RNF24: variants seen among roughly 807,000 people sequenced by gnomAD.
RNF24 encodes ring finger protein 24.
A neutral mutation model predicts 20.0 loss-of-function variants in RNF24; 14 were observed. That is an observed-to-expected ratio of 0.70 (90% CI 0.46 to 1.10). RNF24 has a LOEUF of 1.10. Ranked by LOEUF, RNF24 falls within the 50% of genes least tolerant of loss-of-function variation. RNF24 has a pLI of 0.00. For synonymous variants in RNF24, 45 were observed against 61.1 expected (o/e 0.74, Z 1.23); for missense variants, 124 against 177.6 (o/e 0.70, Z 1.71).
In RNF24 at chr20:3,930,043, T is replaced by A. The variant is rs2090799152; in HGVS notation, c.*4020A>T. On this transcript the variant is annotated 3_prime_UTR_variant, in exon 6 of 6. Coordinates refer to ENST00000358395, the MANE Select transcript of RNF24 (RefSeq NM_001134337.3). The stretch of plus-strand genomic sequence containing the variant: ...AGGAGAAAAATTATATAGACACACA[T>A]ACACATGTGTGTACATGCATAAATG... The A allele has an allele frequency of 6.6e-6, 1 of 152,136 alleles. No individual in the cohort carries two copies. The highest frequency in any genetic ancestry group is 2.4e-5 in the African/African-American group (1 of 41,424). 9.4% of individuals were successfully genotyped at this position (152,136 alleles called of 1,614,324 possible).
rs1402930015 is a variant in RNF24 at position 3,929,680 on chromosome 20, C to A, written c.*4383G>T. 1.3e-5 allele frequency: 2 copies of A among 152,318 alleles called. No homozygotes were observed. The highest frequency in any genetic ancestry group is 3.8e-4 in the East Asian group (2 of 5,196). 9.4% of individuals were successfully genotyped at this position (152,318 alleles called of 1,614,324 possible). On this transcript the variant is annotated 3_prime_UTR_variant, in exon 6 of 6. Transcript: ENST00000358395. ...TGTCCAGGCACCTGCAGAGGCTGCT[C>A]AGAGCTGGGAGAGGCCTGTGCCACT...
intron 1 of RNF24, among the ~76,000 whole-genome samples, chr20:3,977,921 C>T (rs1183018812): frequency 6.6e-6 from 1 of 151,374 alleles, no homozygotes; most frequent in African/African-American, 2.4e-5. Context: ...CACAAAAAAC[C>T]CCAGAAAGAC....
intron 1 of RNF24, among the ~76,000 whole-genome samples, chr20:4,014,542 G>T (rs1286977809): frequency 6.6e-6 from 1 of 152,114 alleles, no homozygotes; most frequent in African/African-American, 2.4e-5. Context: ...TAGAAACACA[G>T]ATATATGAGA....
chr20:3,986,960 T>C (rs1357386397), intron 1 of RNF24, among the ~76,000 whole-genome samples: 4 of 152,166 alleles, frequency 2.6e-5, no homozygotes, highest in Non-Finnish European at 4.4e-5. Flanking sequence ...CAAGCTGGAT[T>C]GCAGTAGCAT....
chr20:3,960,970 T>A (rs1444716613), intron 2 of RNF24, among the ~76,000 whole-genome samples: 1 of 152,050 alleles, frequency 6.6e-6, no homozygotes, highest in Non-Finnish European at 1.5e-5. Context: ...ATTTTTGTAT[T>A]TTTAGTAGAG....
intron 1 of RNF24, among the ~76,000 whole-genome samples, chr20:3,984,295 C>T (rs1384415607): frequency 1.3e-5 from 2 of 152,054 alleles, no homozygotes; most frequent in Non-Finnish European, 2.9e-5. Flanking sequence ...TTCACTTCTT[C>T]ATTGAGTACC....
intron 1 of RNF24, chr20:3,974,466 C>T: frequency 1.4e-6 from 2 of 1,387,870 alleles, no homozygotes; most frequent in South Asian, 3.3e-5. Flanking sequence ...AGAAATTAAA[C>T]TGAGCCTATT....
intron 1 of RNF24, among the ~76,000 whole-genome samples, chr20:4,009,353 G>A (rs557057918): frequency 6.6e-6 from 1 of 152,304 alleles, no homozygotes; most frequent in East Asian, 1.9e-4. Context: ...ATATGTGTAT[G>A]CTGACATGGA....
intron 1 of RNF24, among the ~76,000 whole-genome samples, chr20:4,010,949 T>G (rs926726711): frequency 1.3e-5 from 2 of 152,174 alleles, no homozygotes; most frequent in Non-Finnish European, 2.9e-5. Flanking sequence ...ACCCCACTGC[T>G]TGATGGAGGC....
intron 1 of RNF24, among the ~76,000 whole-genome samples, chr20:3,971,269 C>CA (rs1448265927): frequency 1.2e-4 from 19 of 152,084 alleles, no homozygotes; most frequent in Admixed American, 1.2e-3. Context: ...CTACATCCAG[C>CA]AAAAATACCC....
chr20:3,960,389 G>A (rs1450994784), intron 2 of RNF24, among the ~76,000 whole-genome samples: 1 of 152,150 alleles, frequency 6.6e-6, no homozygotes, highest in Non-Finnish European at 1.5e-5. Flanking sequence ...TTAAAAATTG[G>A]CCAGGCGCGG....
At chr20:3,941,532 C>T (rs969869545) in intron 4 of RNF24, among the ~76,000 whole-genome samples, 3 of 151,136 alleles carry the variant, frequency 2.0e-5, no homozygotes, top group Admixed American at 2.0e-4. Context: ...AAATGAAGTA[C>T]TAAAAAATGT....
At chr20:3,996,616 G>A (rs1192463226) in intron 1 of RNF24, among the ~76,000 whole-genome samples, 1 of 152,146 alleles carries the variant, frequency 6.6e-6, no homozygotes, top group Non-Finnish European at 1.5e-5. Flanking sequence ...GGTTGGGCAT[G>A]TGACTACACT....
rs539290208 is a variant in RNF24, at chr20:3,947,555, C to T, written c.186+682G>A. Among the ~76,000 whole-genome samples, 145 of 152,226 alleles carry T rather than the reference C, an allele frequency of 9.5e-4. 1 individual carries two copies. Among genetic ancestry groups the T allele is most frequent in the African/African-American group, 3.4e-3 (141 of 41,526 alleles). On this transcript the variant is annotated intron_variant, in intron 3 of 5. Transcript: ENST00000358395. The stretch of plus-strand genomic sequence containing the variant: ...GAGATCACTGTAACACAGCTGGTCG[C>T]TCACCTCCGAGGAACTGCTATGTCT...
intron 1 of RNF24, among the ~76,000 whole-genome samples, chr20:3,969,281 C>A (rs1446362010): frequency 6.6e-5 from 10 of 152,134 alleles, no homozygotes; most frequent in Non-Finnish European, 1.5e-4. Flanking sequence ...GTCAGGTAGA[C>A]TTCTGACTCC....
At chr20:3,995,347 G>A (rs1343951307) in intron 1 of RNF24, among the ~76,000 whole-genome samples, 1 of 152,174 alleles carries the variant, frequency 6.6e-6, no homozygotes, top group African/African-American at 2.4e-5. Flanking sequence ...CTACATCTTT[G>A]AGCCTGAACC....
intron 1 of RNF24, among the ~76,000 whole-genome samples, chr20:4,004,597 G>A (rs910189029): frequency 6.6e-6 from 1 of 152,184 alleles, no homozygotes; most frequent in Non-Finnish European, 1.5e-5. Flanking sequence ...AATGGCAAGT[G>A]TCTTTATAAG....
At chr20:3,989,969 AAAG>A (rs1374764821) in intron 1 of RNF24, among the ~76,000 whole-genome samples, 1 of 152,232 alleles carries the variant, frequency 6.6e-6, no homozygotes, top group Non-Finnish European at 1.5e-5. Context: ...CAAGAAAGTT[AAAG>A]AATAGCCCAA....
intron 1 of RNF24, among the ~76,000 whole-genome samples, chr20:3,995,117 G>A (rs956424877): frequency 2.6e-5 from 4 of 152,210 alleles, no homozygotes; most frequent in African/African-American, 9.7e-5. Context: ...ACAGAGTTGA[G>A]TTTAGCCACG....
Sources: allele counts gnomAD v4.1 joint callset (sites outside exome capture counted in the v4.1 genomes callset), GRCh38; gene constraint gnomAD v4.1.1; transcripts MANE v1.5; gene names NCBI Gene and HGNC (gene_info 2026-07-23, HGNC 2026-07-21).